The following SAMD5 variants were observed in gnomAD, a reference collection of about 807,000 sequenced individuals.
SAMD5 encodes sterile alpha motif domain containing 5.
SAMD5 carries 13 observed loss-of-function variants against 11.3 expected under a neutral mutation model. The ratio of observed to expected loss-of-function variants is 1.15; its 90% confidence interval spans 0.75 to 1.83. The LOEUF (loss-of-function observed/expected upper bound fraction) is 1.83, where lower values mean the gene tolerates loss of function less well. SAMD5 is among the 40% of genes most tolerant of loss of function. SAMD5 has a pLI of 0.00. For missense variants in SAMD5, 255 were observed against 239.1 expected (o/e 1.07, Z -0.44); for synonymous variants, 129 against 111.3 (o/e 1.16, Z -1.00).
intron 1 of SAMD5, among the ~76,000 whole-genome samples, chr6:147,721,865 G>A (rs1052433663): frequency 1.3e-5 from 2 of 151,796 alleles, no homozygotes; most frequent in African/African-American, 4.8e-5. Flanking sequence ...TGTTGTTTTG[G>A]GTTATTTCCA....
At chr6:147,734,018 A>G (rs1791756717) in intron 1 of SAMD5, among the ~76,000 whole-genome samples, 1 of 152,220 alleles carries the variant, frequency 6.6e-6, no homozygotes, top group Non-Finnish European at 1.5e-5. Context: ...ATCTTAACTC[A>G]TATTCACAAC....
At chr6:147,682,726 G>A (rs537016765) in intron 1 of SAMD5, among the ~76,000 whole-genome samples, 19 of 152,252 alleles carry the variant, frequency 1.2e-4, no homozygotes, top group African/African-American at 4.6e-4. Flanking sequence ...GCTGAGAATA[G>A]TAAATAATTA....
intron 1 of SAMD5, among the ~76,000 whole-genome samples, chr6:147,514,388 T>C (rs1319893027): frequency 6.6e-6 from 1 of 151,482 alleles, no homozygotes; most frequent in Non-Finnish European, 1.5e-5. Context: ...ATTGTATTAA[T>C]ATAGAAATGT....
chr6:147,886,702 G>T, the SAMD5 span, among the ~76,000 whole-genome samples: 45 of 152,170 alleles, frequency 3.0e-4, no homozygotes, highest in African/African-American at 1.0e-3. Flanking sequence ...AATGGAAAGA[G>T]CCACATAGCT....
At chr6:147,877,909 A>G in the SAMD5 span, among the ~76,000 whole-genome samples, 1 of 66,948 alleles carries the variant, frequency 1.5e-5, no homozygotes, top group Non-Finnish European at 3.3e-5. Context: ...ATAGATAGAT[A>G]GCTAGCTAGC....
chr6:147,586,567 A>G (rs1329024037), intron 1 of SAMD5, among the ~76,000 whole-genome samples: 1 of 152,104 alleles, frequency 6.6e-6, no homozygotes, highest in Non-Finnish European at 1.5e-5. Flanking sequence ...CAACGTTACC[A>G]CGGTTTTTCT....
At chr6:147,671,098 T>A (rs1186971303) in intron 1 of SAMD5, among the ~76,000 whole-genome samples, 2 of 152,194 alleles carry the variant, frequency 1.3e-5, no homozygotes, top group East Asian at 3.9e-4. Context: ...TAGAGAGGCT[T>A]AAGAAGGGCA....
the SAMD5 span, among the ~76,000 whole-genome samples, chr6:147,826,421 G>A: frequency 6.6e-6 from 1 of 152,150 alleles, no homozygotes; most frequent in Admixed American, 6.5e-5. Context: ...TGTCACTAAT[G>A]TCTGGCCAAG....
intron 1 of SAMD5, among the ~76,000 whole-genome samples, chr6:147,603,113 C>G (rs1789647311): frequency 6.6e-6 from 1 of 152,120 alleles, no homozygotes; most frequent in Non-Finnish European, 1.5e-5. Context: ...GTTCAAGATT[C>G]TCATTCTGTA....
intron 1 of SAMD5, among the ~76,000 whole-genome samples, chr6:147,645,863 G>C (rs1790388648): frequency 6.6e-6 from 1 of 152,124 alleles, no homozygotes; most frequent in Admixed American, 6.5e-5. Context: ...GTGAAACTTT[G>C]CCATCTAATG....
chr6:147,713,534 C>A (rs1439531313), intron 1 of SAMD5, among the ~76,000 whole-genome samples: 1 of 152,126 alleles, frequency 6.6e-6, no homozygotes, highest in Non-Finnish European at 1.5e-5. Flanking sequence ...CAGCCAACAT[C>A]ATCTGGAAAG....
the SAMD5 span, among the ~76,000 whole-genome samples, chr6:147,949,176 T>A: frequency 6.6e-6 from 1 of 152,208 alleles, no homozygotes; most frequent in Non-Finnish European, 1.5e-5. Context: ...AGTTTTTTAT[T>A]ATTTGCCTTT....
At chr6:147,912,614 G>A in the SAMD5 span, among the ~76,000 whole-genome samples, 46 of 152,274 alleles carry the variant, frequency 3.0e-4, no homozygotes, top group Admixed American at 7.8e-4. Context: ...AAGTACAGAT[G>A]CACAGGTTAT....
In SAMD5 at chr6:147,634,347, A is replaced by G. The variant is rs186007064; in HGVS notation, c.163-102970A>G. On this transcript the variant is annotated intron_variant, in intron 1 of 1. Coordinates refer to the SAMD5 transcript ENST00000566741. ...GGAAGAAAGGAGGGGGAGGTTGTAC[A>G]CACACTTTTAAACAACCAGATCTCA... is the stretch of plus-strand genomic sequence containing the variant. 6.7e-4 allele frequency among the ~76,000 whole-genome samples: 102 copies of G among 152,258 alleles called. 1 individual carries two copies. The highest frequency in any genetic ancestry group is 2.2e-3 in the African/African-American group (93 of 41,556).
chr6:147,554,162 C>G (rs181036805), intron 1 of SAMD5, among the ~76,000 whole-genome samples: 1 of 152,076 alleles, frequency 6.6e-6, no homozygotes, highest in Non-Finnish European at 1.5e-5. Context: ...GGAAAAGCCC[C>G]TTATGAAACC....
intron 1 of SAMD5, among the ~76,000 whole-genome samples, chr6:147,693,825 C>T (rs761854849): frequency 2.2e-4 from 33 of 152,110 alleles, no homozygotes; most frequent in South Asian, 8.3e-4. Context: ...AAAAATTAGC[C>T]GGGCGTGGTG....
At chr6:147,615,091 G>T (rs892475605) in intron 1 of SAMD5, among the ~76,000 whole-genome samples, 1 of 151,966 alleles carries the variant, frequency 6.6e-6, no homozygotes, top group Non-Finnish European at 1.5e-5. Context: ...ATAGGAGGAT[G>T]TATGGAGGTT....
At chr6:147,539,316 T>G (rs1231974288) in intron 1 of SAMD5, among the ~76,000 whole-genome samples, 2 of 152,230 alleles carry the variant, frequency 1.3e-5, no homozygotes, top group African/African-American at 2.4e-5. Context: ...GCGAGGATGT[T>G]TCCTTGTCTT....
intron 1 of SAMD5, among the ~76,000 whole-genome samples, chr6:147,582,644 G>A (rs1248315966): frequency 2.0e-5 from 3 of 152,176 alleles, no homozygotes; most frequent in Non-Finnish European, 2.9e-5. Context: ...AAAGTGAAGC[G>A]GAGCTTTAGG....
Sources: gnomAD v4.1 joint callset for allele counts (sites outside exome capture counted in the v4.1 genomes callset) on GRCh38, gnomAD v4.1.1 for gene constraint, MANE v1.5 for transcripts, NCBI Gene and HGNC (gene_info 2026-07-23, HGNC 2026-07-21) for gene names.